PARVA: variants seen among roughly 807,000 people sequenced by gnomAD.
PARVA encodes alpha-parvin.
A neutral mutation model predicts 52.6 loss-of-function variants in PARVA; 25 were observed. That is an observed-to-expected ratio of 0.48 (90% confidence interval 0.35 to 0.66). The LOEUF is 0.66. PARVA is among the 30% of genes least tolerant of loss of function. The pLI is 0.01. For synonymous variants in PARVA, 185 were observed against 179.1 expected, an observed-to-expected ratio of 1.03 and a Z score of -0.26; for missense variants, 373 against 450.9, an observed-to-expected ratio of 0.83 and a Z score of 1.56.
intron 1 of PARVA, among the ~76,000 whole-genome samples, chr11:12,436,965 A>G (rs1280674402): frequency 2.6e-5 from 4 of 152,212 alleles, no homozygotes; most frequent in Non-Finnish European, 4.4e-5. Flanking sequence ...TATACATTAC[A>G]TAAATTTTGC....
At chr11:12,393,454 A>C (rs1221518980) in intron 1 of PARVA, among the ~76,000 whole-genome samples, 2 of 152,134 alleles carry the variant, frequency 1.3e-5, no homozygotes, top group Non-Finnish European at 2.9e-5. Context: ...TAATAAGCTT[A>C]TTTCTTGCTT....
At chr11:12,424,570 A>G (rs1940199784) in intron 1 of PARVA, among the ~76,000 whole-genome samples, 1 of 152,238 alleles carries the variant, frequency 6.6e-6, no homozygotes, top group African/African-American at 2.4e-5. Context: ...ATAGTCATCC[A>G]TAACTAGTTG....
chr11:12,377,471 A>T, upstream of PARVA: 1 of 1,405,596 alleles, frequency 7.1e-7, no homozygotes, highest in Non-Finnish European at 9.2e-7. Context: ...GGGCGGCGCG[A>T]GGGAGGGAGC....
intron 1 of PARVA, among the ~76,000 whole-genome samples, chr11:12,461,432 T>G (rs1223512428): frequency 6.6e-6 from 1 of 152,188 alleles, no homozygotes; most frequent in Non-Finnish European, 1.5e-5. Context: ...GAGCAGACTT[T>G]TAAACCAAGG....
At position 12,529,110 on chromosome 11, in the gene PARVA, A is replaced by T. The variant is rs1941740751; in HGVS notation, c.*1185A>T. ...GGAACTTCTTTTTGCCTTCTAATTG[A>T]TCATTTAGACTATTCTGGCTAAGTC... On this transcript the variant is annotated 3_prime_UTR_variant, in exon 13 of 13. Transcript: ENST00000334956. The T allele has an allele frequency of 2.0e-5, 3 of 152,126 alleles. No homozygotes were observed. The highest frequency in any genetic ancestry group is 4.4e-5 in the Non-Finnish European group (3 of 68,032). 9.4% of individuals were successfully genotyped at this position (152,126 alleles called of 1,614,324 possible).
At chr11:12,499,475 T>C (rs2135062707) in intron 5 of PARVA, among the ~76,000 whole-genome samples, 1 of 152,234 alleles carries the variant, frequency 6.6e-6, no homozygotes, top group Non-Finnish European at 1.5e-5. Context: ...TAATTTTCAT[T>C]ATTGAAAATT....
intron 1 of PARVA, among the ~76,000 whole-genome samples, chr11:12,383,320 C>G (rs959651624): frequency 1.3e-5 from 2 of 152,170 alleles, no homozygotes; most frequent in African/African-American, 4.8e-5. Context: ...TCAAGACGTG[C>G]TCTTTCAAGC....
chr11:12,429,896 AT>A (rs1940292174), intron 1 of PARVA, among the ~76,000 whole-genome samples: 1 of 152,196 alleles, frequency 6.6e-6, no homozygotes, highest in African/African-American at 2.4e-5. Context: ...TCATTCACCA[AT>A]GGCATGAGCA....
chr11:12,518,044 G>T (rs185739022), intron 11 of PARVA, among the ~76,000 whole-genome samples: 1 of 152,366 alleles, frequency 6.6e-6, no homozygotes, highest in East Asian at 1.9e-4. Flanking sequence ...CTCATGCTTA[G>T]CCTGGTTCTG....
chr11:12,492,991 A>C (rs1039976999), intron 4 of PARVA, among the ~76,000 whole-genome samples: 2 of 152,238 alleles, frequency 1.3e-5, no homozygotes, highest in African/African-American at 2.4e-5. Flanking sequence ...GAAAAGACTT[A>C]TGATATATAT....
At chr11:12,476,810 C>T (rs1004877923) in intron 3 of PARVA, among the ~76,000 whole-genome samples, 2 of 152,232 alleles carry the variant, frequency 1.3e-5, no homozygotes, top group African/African-American at 4.8e-5. Flanking sequence ...CAGACTCCAA[C>T]ATCAGCCCAC....
intron 1 of PARVA, among the ~76,000 whole-genome samples, chr11:12,452,060 C>T (rs565857011): frequency 1.3e-5 from 2 of 152,044 alleles, no homozygotes; most frequent in Non-Finnish European, 2.9e-5. Flanking sequence ...CACCACCCTG[C>T]AGGGCTACTC....
intron 1 of PARVA, among the ~76,000 whole-genome samples, chr11:12,467,204 T>C (rs1376983811): frequency 3.3e-5 from 5 of 152,250 alleles, no homozygotes; most frequent in Admixed American, 2.6e-4. Flanking sequence ...TTGATTTTTG[T>C]AAATTAGCCT....
intron 6 of PARVA, among the ~76,000 whole-genome samples, chr11:12,504,730 T>A (rs1022770417): frequency 4.0e-5 from 6 of 150,496 alleles, no homozygotes; most frequent in African/African-American, 1.5e-4. Context: ...GTGTGCGGTA[T>A]GTATGTGAGC....
chr11:12,503,405 T>C (rs1941386867), intron 5 of PARVA, among the ~76,000 whole-genome samples: 1 of 152,026 alleles, frequency 6.6e-6, no homozygotes. Context: ...CAGACATGCT[T>C]ATGGTGATTG....
chr11:12,506,939 T>A (rs1439557736), intron 6 of PARVA, among the ~76,000 whole-genome samples: 2 of 152,220 alleles, frequency 1.3e-5, no homozygotes, highest in South Asian at 4.1e-4. Context: ...CGTCTATGAA[T>A]GGCCATGCAG....
chr11:12,392,672 CTA>C (rs752915051), intron 1 of PARVA, among the ~76,000 whole-genome samples: 2 of 152,262 alleles, frequency 1.3e-5, no homozygotes, highest in South Asian at 2.1e-4. Flanking sequence ...AATAATGTGA[CTA>C]TGAATTTGCA....
rs1384295964 is a variant in PARVA, at chr11:12,446,218, C to T, written c.137-27527C>T. Among the ~76,000 whole-genome samples, 3 of 152,148 alleles carry T rather than the reference C, an allele frequency of 2.0e-5. No homozygotes were observed. In the East Asian group the frequency reaches 5.8e-4, roughly 29 times the overall value. On this transcript the variant is annotated intron_variant, in intron 1 of 12. Transcript: ENST00000334956. ...AGGTCCCAATCAAGACTTCATTGGA[C>T]AGATGGTCAAAGGTTATGAGTAGAC...
At chr11:12,378,209 C>T (rs1454502977) in intron 1 of PARVA, among the ~76,000 whole-genome samples, 1 of 152,190 alleles carries the variant, frequency 6.6e-6, no homozygotes, top group Non-Finnish European at 1.5e-5. Context: ...TGCAGCTTTC[C>T]TGGGCGCCGT....
Sources: gnomAD v4.1 joint callset for allele counts (sites outside exome capture counted in the v4.1 genomes callset) on GRCh38, gnomAD v4.1.1 for gene constraint, MANE v1.5 for transcripts, NCBI Gene and HGNC (gene_info 2026-07-23, HGNC 2026-07-21) for gene names.